Variants in AFG1L observed in about 807,000 individuals in gnomAD.
The protein encoded by AFG1L is AFG1-like ATPase.
A neutral mutation model predicts 62.2 loss-of-function variants in AFG1L; 53 were observed. The ratio of observed to expected loss-of-function variants is 0.85; its 90% CI spans 0.68 to 1.07. The LOEUF (loss-of-function observed/expected upper bound fraction) is 1.07, where lower values mean the gene tolerates loss of function less well. Ranked by LOEUF, AFG1L falls within the 50% of genes least tolerant of loss-of-function variation. The pLI, the probability that AFG1L is intolerant of heterozygous loss-of-function variation, is 0.00. For missense variants in AFG1L, 555 were observed against 590.5 expected (o/e 0.94, Z 0.62); for synonymous variants, 228 against 210.3 (o/e 1.08, Z -0.73).
At chr6:108,465,402 CTGTT>C (rs1391049916) in intron 8 of AFG1L, among the ~76,000 whole-genome samples, 8 of 152,092 alleles carry the variant, frequency 5.3e-5, no homozygotes, top group Non-Finnish European at 1.2e-4. Flanking sequence ...ATTTTAATCA[CTGTT>C]TGTATTTTTA....
Position 108,399,770 on chromosome 6 carries a change from T to C in AFG1L, c.749-2226T>C, listed in dbSNP as rs1405060515. ...GGGGTGGGGTGTGGAAGTATCTCTC[T>C]TTTTTTTTTTTTTTTTTTTTTTTTT... On this transcript the variant is annotated intron_variant, in intron 6 of 12. Coordinates refer to ENST00000368977, the MANE Select transcript of AFG1L (RefSeq NM_145315.5). Among the ~76,000 whole-genome samples the C allele has an allele frequency of 6.9e-5, 6 of 87,182 alleles. No homozygotes were observed. The East Asian group carries it at 1.9e-3, about 28-fold the overall frequency. The allele number at this position is 87,182 out of a possible 152,430, so 57.2% of individuals were successfully genotyped here.
chr6:108,417,287 C>CAAAA (rs58714925), intron 7 of AFG1L, among the ~76,000 whole-genome samples: 10 of 81,622 alleles, frequency 1.2e-4, no homozygotes, highest in African/African-American at 2.2e-4. Flanking sequence ...CACACACACA[C>CAAAA]AAAAAAAAAA....
At position 108,508,197 on chromosome 6, in the gene AFG1L, T is replaced by A. The variant is rs998104619; in HGVS notation, c.1063-2015T>A. The stretch of plus-strand genomic sequence containing the variant: ...CAGTTGATAAGTAGCAACTGAGGAG[T>A]CAGATCCAGGCCTTCCAGAGCCCTC... On this transcript the variant is annotated intron_variant, in intron 10 of 12. Coordinates refer to ENST00000368977, the MANE Select transcript of AFG1L (RefSeq NM_145315.5). Among the ~76,000 whole-genome samples the A allele has an allele frequency of 5.3e-5, 8 of 152,070 alleles. No individual in the cohort carries two copies. The South Asian group carries it at 1.5e-3, about 28-fold the overall frequency.
chr6:108,297,353 A>G (rs545087747), intron 1 of AFG1L, among the ~76,000 whole-genome samples: 1 of 152,024 alleles, frequency 6.6e-6, no homozygotes, highest in East Asian at 1.9e-4. Flanking sequence ...GGTGATCCGG[A>G]GCCTCGGCCC....
intron 6 of AFG1L, among the ~76,000 whole-genome samples, chr6:108,378,312 T>C (rs1780340102): frequency 6.6e-6 from 1 of 151,802 alleles, no homozygotes; most frequent in African/African-American, 2.4e-5. Context: ...AGTTGTTTTT[T>C]TGTTTGTTTG....
intron 7 of AFG1L, among the ~76,000 whole-genome samples, chr6:108,431,302 C>T (rs564432227): frequency 1.3e-5 from 2 of 152,166 alleles, no homozygotes; most frequent in East Asian, 3.9e-4. Flanking sequence ...CAGGGTTTCA[C>T]CATGTTGGCC....
chr6:108,405,090 T>G (rs1781792525), intron 7 of AFG1L, among the ~76,000 whole-genome samples: 1 of 152,152 alleles, frequency 6.6e-6, no homozygotes, highest in Admixed American at 6.5e-5. Context: ...TGAGTAGCAT[T>G]GCTCCTTTTC....
intron 5 of AFG1L, among the ~76,000 whole-genome samples, chr6:108,365,327 T>G (rs1314259939): frequency 6.6e-6 from 1 of 152,160 alleles, no homozygotes; most frequent in East Asian, 1.9e-4. Context: ...AAAAGTTACA[T>G]CATTAAGCTT....
intron 7 of AFG1L, among the ~76,000 whole-genome samples, chr6:108,418,250 G>T (rs1457441006): frequency 6.6e-6 from 1 of 152,114 alleles, no homozygotes; most frequent in Non-Finnish European, 1.5e-5. Flanking sequence ...GCCAAATCTG[G>T]CCTGCTGCCT....
intron 10 of AFG1L, among the ~76,000 whole-genome samples, chr6:108,505,130 T>C (rs543293631): frequency 5.1e-4 from 76 of 150,296 alleles, no homozygotes; most frequent in African/African-American, 1.6e-3. Context: ...AGTCTCACAC[T>C]GTCACCCAGG....
rs2114789512 is a variant in AFG1L, at chr6:108,466,145, G to T, written c.891-10720G>T. ...CATAATCACTAAAATGGAAGAGATG[G>T]AAAATGCCAAGTATTGGCAAGGATG... On this transcript the variant is annotated intron_variant, in intron 8 of 12. Coordinates refer to ENST00000368977, the MANE Select transcript of AFG1L (RefSeq NM_145315.5). 2.0e-5 allele frequency among the ~76,000 whole-genome samples: 3 copies of T among 152,314 alleles called. 1 individual carries two copies. In the Middle Eastern group the frequency reaches 0.01, roughly 518 times the overall value.
At chr6:108,488,754 G>T (rs1156545178) in intron 10 of AFG1L, among the ~76,000 whole-genome samples, 3 of 151,836 alleles carry the variant, frequency 2.0e-5, no homozygotes, top group East Asian at 3.9e-4. Context: ...TATAATCTCA[G>T]CTACTCGGGA....
chr6:108,358,865 T>A (rs1173352669), intron 5 of AFG1L, among the ~76,000 whole-genome samples: 1 of 152,172 alleles, frequency 6.6e-6, no homozygotes, highest in Non-Finnish European at 1.5e-5. Context: ...ATAAGCGTAT[T>A]GGAAGGCAAG....
chr6:108,452,056 C>T (rs1272925885), intron 8 of AFG1L, among the ~76,000 whole-genome samples: 6 of 152,154 alleles, frequency 3.9e-5, no homozygotes, highest in Admixed American at 1.3e-4. Context: ...TAGCACTCAA[C>T]AAGGTCCCCA....
At chr6:108,360,760 A>G (rs1779493457) in intron 5 of AFG1L, among the ~76,000 whole-genome samples, 1 of 152,158 alleles carries the variant, frequency 6.6e-6, no homozygotes, top group Admixed American at 6.5e-5. Flanking sequence ...ACAGGTCTTA[A>G]AGAAGTTTCT....
At chr6:108,378,510 G>T (rs557819687) in intron 6 of AFG1L, among the ~76,000 whole-genome samples, 93 of 152,076 alleles carry the variant, frequency 6.1e-4, no homozygotes, top group African/African-American at 2.2e-3. Flanking sequence ...GTAGAGATGG[G>T]GTTTCACCAT....
chr6:108,493,165 GAATCAA>G (rs756571816), intron 10 of AFG1L, among the ~76,000 whole-genome samples: 1 of 152,166 alleles, frequency 6.6e-6, no homozygotes, highest in Non-Finnish European at 1.5e-5. Flanking sequence ...GGAGCCGTGA[GAATCAA>G]AACCTAGTGA....
intron 10 of AFG1L, among the ~76,000 whole-genome samples, chr6:108,500,522 C>G (rs1426638086): frequency 6.6e-6 from 1 of 152,078 alleles, no homozygotes; most frequent in Admixed American, 6.6e-5. Flanking sequence ...CACACACATA[C>G]ATTTTCTTTA....
intron 7 of AFG1L, among the ~76,000 whole-genome samples, chr6:108,406,454 C>T (rs1781861785): frequency 6.6e-6 from 1 of 151,868 alleles, no homozygotes; most frequent in Non-Finnish European, 1.5e-5. Flanking sequence ...GATTGATTGA[C>T]TGAGATGGAG....
Sources: gnomAD v4.1 joint callset for allele counts (sites outside exome capture counted in the v4.1 genomes callset) on GRCh38, gnomAD v4.1.1 for gene constraint, MANE v1.5 for transcripts, NCBI Gene and HGNC (gene_info 2026-07-23, HGNC 2026-07-21) for gene names.